Variants in PDGFRL observed in about 807,000 individuals in gnomAD.
The protein encoded by PDGFRL is platelet derived growth factor receptor like.
PDGFRL carries 46 observed loss-of-function variants against 37.2 expected under a neutral mutation model. The observed-to-expected ratio is 1.24, with a 90% CI of 0.98 to 1.58. The LOEUF is 1.58. PDGFRL is among the 40% of genes most tolerant of loss of function. PDGFRL has a pLI of 0.00. For synonymous variants in PDGFRL, 251 were observed against 184.3 expected, an observed-to-expected ratio of 1.36 and a Z score of -2.93; for missense variants, 692 against 467.6, an observed-to-expected ratio of 1.48 and a Z score of -4.43.
At chr8:17,581,876 A>G (rs1428492894) in intron 1 of PDGFRL, among the ~76,000 whole-genome samples, 1 of 152,138 alleles carries the variant, frequency 6.6e-6, no homozygotes, top group Non-Finnish European at 1.5e-5. Flanking sequence ...ATGAACTAAC[A>G]CAGAAAATTG....
rs560692787 is a variant in PDGFRL at position 17,608,608 on chromosome 8, C to T, written c.354-12443C>T. ...GTTGGTCTGCTGAGGAGAATGCACG[C>T]TAAATAGCATTAACGTTTGCTTAAT... is the stretch of plus-strand genomic sequence containing the variant. On this transcript the variant is annotated intron_variant, in intron 2 of 5. Coordinates refer to ENST00000251630, the MANE Select transcript of PDGFRL (RefSeq NM_001372073.1). 4.6e-5 allele frequency among the ~76,000 whole-genome samples: 7 copies of T among 152,100 alleles called. No homozygotes were observed. In the South Asian group the frequency reaches 8.3e-4, roughly 18 times the overall value.
chr8:17,577,357 C>T (rs971579714), intron 1 of PDGFRL, 50 bp downstream of exon 1: 7 of 1,513,106 alleles, frequency 4.6e-6, no homozygotes, highest in Non-Finnish European at 6.4e-6. Flanking sequence ...TGACTTTAGC[C>T]GGGACCCGAA....
chr8:17,643,070 T>C lies in PDGFRL; in HGVS notation c.*269T>C. On this transcript the variant is annotated 3_prime_UTR_variant, in exon 6 of 6. Transcript: ENST00000251630. ...TTTTATACATGTGTAAACAATTTTA[T>C]ATAATCAATCATTTCTATTAAATGA... 2.9e-6 allele frequency: 1 copy of C among 345,074 alleles called. No individual in the cohort carries two copies. Among genetic ancestry groups the C allele is most frequent in the South Asian group, 8.3e-5 (1 of 12,012 alleles). The allele number at this position is 345,074 out of a possible 1,614,324, so 21.4% of individuals were successfully genotyped here. A position where few individuals can be genotyped will look rare whatever the true frequency, so the allele number is the denominator to read the frequency against.
intron 2 of PDGFRL, among the ~76,000 whole-genome samples, chr8:17,590,428 G>A (rs1803912105): frequency 1.3e-5 from 2 of 150,496 alleles, no homozygotes; most frequent in South Asian, 4.2e-4. Flanking sequence ...TTCATATTGT[G>A]TGGCCAGGTG....
In PDGFRL at chr8:17,586,578, T is replaced by C. The variant is rs6997715; in HGVS notation, c.56-2890T>C. On this transcript the variant is annotated intron_variant, in intron 1 of 5. Coordinates refer to ENST00000251630, the MANE Select transcript of PDGFRL (RefSeq NM_001372073.1). ...GAGTGAACTACTTGGCATCTATACA[T>C]TAAAGAGACTAATATCTGCTTTGTT... 2.5e-4 allele frequency among the ~76,000 whole-genome samples: 38 copies of C among 152,296 alleles called. 1 individual carries two copies. The highest frequency in any genetic ancestry group is 8.2e-4 in the African/African-American group (34 of 41,538).
intron 4 of PDGFRL, among the ~76,000 whole-genome samples, chr8:17,630,017 C>G (rs1214119509): frequency 6.6e-6 from 1 of 152,158 alleles, no homozygotes; most frequent in African/African-American, 2.4e-5. Flanking sequence ...AAGAACCACC[C>G]CGGATGAACA....
intron 2 of PDGFRL, among the ~76,000 whole-genome samples, chr8:17,597,536 A>G (rs139993513): frequency 0.011 from 1,110 of 104,322 alleles, 21 homozygotes; most frequent in African/African-American, 0.036. Context: ...CAAGTAGAGA[A>G]AAATGCAATA....
intron 2 of PDGFRL, among the ~76,000 whole-genome samples, chr8:17,609,659 AAAAAAAT>A (rs1804364903): frequency 7.8e-5 from 8 of 102,680 alleles, no homozygotes; most frequent in Admixed American, 3.2e-4. Context: ...AAAAAAAAAA[AAAAAAAT>A]AAGAGCCAAA....
chr8:17,613,632 C>G (rs951315416), intron 2 of PDGFRL, among the ~76,000 whole-genome samples: 3 of 152,168 alleles, frequency 2.0e-5, no homozygotes, highest in Non-Finnish European at 2.9e-5. Flanking sequence ...AATCCCAGCA[C>G]TTTGGGAGGC....
chr8:17,597,229 CAGGCTGG>C (rs1299051404), intron 2 of PDGFRL, among the ~76,000 whole-genome samples: 4 of 152,214 alleles, frequency 2.6e-5, no homozygotes, highest in African/African-American at 9.6e-5. Flanking sequence ...GTAAGTTGGC[CAGGCTGG>C]TCTACACCTC....
At chr8:17,624,742 G>C (rs1230305136) in intron 3 of PDGFRL, among the ~76,000 whole-genome samples, 2 of 152,038 alleles carry the variant, frequency 1.3e-5, no homozygotes, top group African/African-American at 4.8e-5. Context: ...AACTCCCTCT[G>C]TACTAAAATG....
intron 2 of PDGFRL, among the ~76,000 whole-genome samples, chr8:17,592,792 AT>A (rs1803968058): frequency 6.6e-6 from 1 of 151,676 alleles, no homozygotes; most frequent in Non-Finnish European, 1.5e-5. Flanking sequence ...AACTACTATT[AT>A]TTTCTTTCAA....
At position 17,642,622 on chromosome 8, in the gene PDGFRL, C is replaced by T. The variant is rs148981308; in HGVS notation, c.949C>T (p.Pro317Ser). 5.0e-4 allele frequency: 804 copies of T among 1,605,086 alleles called. 2 individuals carry two copies. The Middle Eastern group carries it at 6.0e-3, about 12-fold the overall frequency. The change falls in exon 6 of 6, where the codon CCT becomes TCT. Residue 317 changes from proline to serine, a missense_variant. By Grantham distance (74) the Pro-to-Ser change is moderately conservative (BLOSUM62 -1). Coordinates refer to ENST00000251630, the MANE Select transcript of PDGFRL (RefSeq NM_001372073.1). ...GGGTGTCGTTAAACAGGATGAAAGG[C>T]CTGTGACGATCCAAGACACTTGGAG... ...WIFPGQKDER[P>S]VTIQDTWRLI... is the part of the protein sequence containing the mutation.
chr8:17,584,399 G>A (rs1158493109), intron 1 of PDGFRL, among the ~76,000 whole-genome samples: 4 of 151,478 alleles, frequency 2.6e-5, no homozygotes, highest in Middle Eastern at 3.4e-3. Flanking sequence ...GTGTAGAGGC[G>A]GGGTCAGGAC....
rs574252201 is a variant in PDGFRL, at chr8:17,588,703, C to T, written c.56-765C>T. 3.9e-5 allele frequency among the ~76,000 whole-genome samples: 6 copies of T among 152,210 alleles called. No homozygotes were observed. The South Asian group carries it at 1.0e-3, about 26-fold the overall frequency. ...TTAAACACAAAATATTTTGCGTGCA[C>T]TTTCAGCACAGTTTGTGTCCCCAGT... On this transcript the variant is annotated intron_variant, in intron 1 of 5. Transcript: ENST00000251630.
chr8:17,582,554 C>A (rs539562974), intron 1 of PDGFRL, among the ~76,000 whole-genome samples: 1 of 141,340 alleles, frequency 7.1e-6, no homozygotes, highest in Admixed American at 7.6e-5. Flanking sequence ...TGTACTGCAG[C>A]CTGGTGACAG....
At chr8:17,610,294 A>C (rs2720589) in intron 2 of PDGFRL, among the ~76,000 whole-genome samples, 3,757 of 152,260 alleles carry the variant, frequency 0.025, 110 homozygotes, top group African/African-American at 0.066. Context: ...ACATGGTAAG[A>C]TTAGAATTGC....
chr8:17,640,132 A>G (rs1805060823), intron 5 of PDGFRL, among the ~76,000 whole-genome samples: 2 of 152,062 alleles, frequency 1.3e-5, no homozygotes, highest in African/African-American at 4.8e-5. Flanking sequence ...AGAAATTATG[A>G]TTGTTTTCTA....
chr8:17,617,038 C>A (rs1025446251), intron 2 of PDGFRL, among the ~76,000 whole-genome samples: 5 of 152,204 alleles, frequency 3.3e-5, no homozygotes, highest in African/African-American at 1.2e-4. Context: ...GCAGCCTGGG[C>A]TAAATACAGG....
Sources: allele counts gnomAD v4.1 joint callset (sites outside exome capture counted in the v4.1 genomes callset), GRCh38; gene constraint gnomAD v4.1.1; transcripts MANE v1.5; gene names NCBI Gene and HGNC (gene_info 2026-07-23, HGNC 2026-07-21).